The following ARID2 variants were observed in gnomAD, a reference collection of about 807,000 sequenced individuals.
The protein encoded by ARID2 is AT-rich interactive domain-containing protein 2.
A neutral mutation model predicts 184.6 loss-of-function variants in ARID2; 32 were observed. The ratio of observed to expected loss-of-function variants is 0.17; its 90% CI spans 0.13 to 0.23. The LOEUF is 0.23. Ranked by LOEUF, ARID2 falls within the 10% of genes least tolerant of loss-of-function variation. ARID2 has a pLI of 1.00. For missense variants in ARID2, 1,696 were observed against 2,197.6 expected, an observed-to-expected ratio of 0.77 and a Z score of 4.56; for synonymous variants, 836 against 772.6, an observed-to-expected ratio of 1.08 and a Z score of -1.36.
At chr12:45,867,449 A>G (rs1408617730) in intron 16 of ARID2, among the ~76,000 whole-genome samples, 2 of 150,030 alleles carry the variant, frequency 1.3e-5, no homozygotes, top group Non-Finnish European at 3.0e-5. Context: ...TAATTTTAAA[A>G]TTTTCTGTGC....
At chr12:45,763,425 G>T (rs757253658) in intron 3 of ARID2, among the ~76,000 whole-genome samples, 3 of 151,286 alleles carry the variant, frequency 2.0e-5, no homozygotes, top group African/African-American at 7.3e-5. Flanking sequence ...AGCCAAGACC[G>T]CTCCATTCCA....
At chr12:45,832,603 A>G (rs1943141921) in intron 6 of ARID2, among the ~76,000 whole-genome samples, 1 of 152,082 alleles carries the variant, frequency 6.6e-6, no homozygotes, top group South Asian at 2.1e-4. Flanking sequence ...CAGCCTCCCA[A>G]GTAGCTGGGA....
At chr12:45,742,601 A>C (rs1440316797) in intron 3 of ARID2, among the ~76,000 whole-genome samples, 1 of 152,196 alleles carries the variant, frequency 6.6e-6, no homozygotes, top group Non-Finnish European at 1.5e-5. Context: ...CACTAAGTTC[A>C]TAGAATCCCA....
intron 4 of ARID2, among the ~76,000 whole-genome samples, chr12:45,813,150 G>C (rs1459419283): frequency 6.6e-6 from 1 of 152,098 alleles, no homozygotes; most frequent in African/African-American, 2.4e-5. Context: ...AAGAGAATCT[G>C]AACAGTTACA....
At chr12:45,798,189 TTTA>T (rs886173988) in intron 3 of ARID2, among the ~76,000 whole-genome samples, 8 of 149,618 alleles carry the variant, frequency 5.3e-5, no homozygotes, top group Non-Finnish European at 1.0e-4. Context: ...AAAACAATAG[TTTA>T]TTATTGTTTG....
intron 3 of ARID2, among the ~76,000 whole-genome samples, chr12:45,800,838 T>C (rs1321828563): frequency 6.6e-6 from 1 of 152,138 alleles, no homozygotes; most frequent in Non-Finnish European, 1.5e-5. Context: ...TGGGACACTG[T>C]CTAAAGGATA....
intron 3 of ARID2, among the ~76,000 whole-genome samples, chr12:45,739,118 G>A (rs906629441): frequency 1.3e-5 from 2 of 151,836 alleles, no homozygotes; most frequent in Non-Finnish European, 2.9e-5. Context: ...ATAGGTGCCC[G>A]CCACCATGCC....
In ARID2 at chr12:45,852,098, G is replaced by A. The variant is rs543746350; in HGVS notation, c.3975G>A (p.Gly1325=). ...ETNQCSLISN[G]PSLELGENGA... ...ATCAGTGCTCACTAATCAGTAATGG[G>A]CCATCATTGGAATTAGGTGAGAATG... Residue 1325 remains glycine, a synonymous_variant, in exon 15 of 21, where the codon GGG becomes GGA. Coordinates refer to ENST00000334344, the MANE Select transcript of ARID2 (RefSeq NM_152641.4). 10 of 1,614,100 alleles carry A rather than the reference G, an allele frequency of 6.2e-6. No individual in the cohort carries two copies. The highest frequency in any genetic ancestry group is 1.1e-5 in the South Asian group (1 of 91,084).
At chr12:45,783,835 G>A (rs1054279802) in intron 3 of ARID2, among the ~76,000 whole-genome samples, 1 of 152,046 alleles carries the variant, frequency 6.6e-6, no homozygotes, top group Non-Finnish European at 1.5e-5. Context: ...CCAATCTCAG[G>A]TGTTCTGTTT....
intron 16 of ARID2, among the ~76,000 whole-genome samples, chr12:45,879,107 T>C (rs1391413084): frequency 6.6e-6 from 1 of 152,070 alleles, no homozygotes; most frequent in Non-Finnish European, 1.5e-5. Flanking sequence ...AATGGGGAGG[T>C]GAAATATTCT....
chr12:45,811,672 G>T (rs1177328169), intron 4 of ARID2, 121 bp downstream of exon 4: 1 of 1,003,934 alleles, frequency 1.0e-6, no homozygotes, highest in Non-Finnish European at 1.3e-6. Context: ...TTAAGGTAAT[G>T]CAGCTTTCAA....
chr12:45,778,016 G>A (rs1251231150), intron 3 of ARID2, among the ~76,000 whole-genome samples: 1 of 151,914 alleles, frequency 6.6e-6, no homozygotes, highest in Admixed American at 6.6e-5. Context: ...GACCAGCCTG[G>A]CCAACATGGT....
chr12:45,848,045 T>C (rs551864327), intron 12 of ARID2, among the ~76,000 whole-genome samples: 1 of 152,122 alleles, frequency 6.6e-6, no homozygotes, highest in South Asian at 2.1e-4. Context: ...TTTGGTCTTA[T>C]AAATCCCAGT....
At chr12:45,896,673 C>T (rs1052502658) in intron 20 of ARID2, among the ~76,000 whole-genome samples, 2 of 152,074 alleles carry the variant, frequency 1.3e-5, no homozygotes, top group African/African-American at 4.8e-5. Flanking sequence ...TTATCAGCAG[C>T]GTGAAAACGG....
At chr12:45,834,759 GCAGATATTTTCTTC>G (rs1943185534) in intron 6 of ARID2, among the ~76,000 whole-genome samples, 1 of 152,054 alleles carries the variant, frequency 6.6e-6, no homozygotes, top group East Asian at 1.9e-4. Flanking sequence ...AAATACGTTG[GCAGATATTTTCTTC>G]CATCATTTTG....
chr12:45,736,716 C>T (rs1367337966), intron 3 of ARID2, among the ~76,000 whole-genome samples: 1 of 152,164 alleles, frequency 6.6e-6, no homozygotes, highest in East Asian at 1.9e-4. Context: ...TCTAGAAACA[C>T]TAGTTTTCCA....
At chr12:45,771,910 A>G (rs953973265) in intron 3 of ARID2, among the ~76,000 whole-genome samples, 25 of 152,128 alleles carry the variant, frequency 1.6e-4, no homozygotes, top group Non-Finnish European at 2.9e-5. Context: ...AAAAAGTTGT[A>G]AAATTATGTA....
chr12:45,858,184 G>A (rs1188850679), intron 15 of ARID2, among the ~76,000 whole-genome samples: 6 of 151,920 alleles, frequency 3.9e-5, no homozygotes, highest in Admixed American at 3.9e-4. Context: ...CTTCAGTATG[G>A]TTTTAGGTGT....
rs555869509 is a variant in ARID2, at chr12:45,763,654, T to A, written c.284+32340T>A. Among the ~76,000 whole-genome samples the A allele has an allele frequency of 5.9e-3, 878 of 149,980 alleles. 7 individuals carry two copies. Among genetic ancestry groups the A allele is most frequent in the African/African-American group, 0.018 (747 of 40,606 alleles). On this transcript the variant is annotated intron_variant, in intron 3 of 20. Transcript: ENST00000334344. ...GCTGGGACTACAAAAAAAAAAAAAT[T>A]TTTTTTAAAATTTTTTTGTAGACAC... is the stretch of plus-strand genomic sequence containing the variant.
Sources: allele counts gnomAD v4.1 joint callset (sites outside exome capture counted in the v4.1 genomes callset), GRCh38; gene constraint gnomAD v4.1.1; transcripts MANE v1.5; gene names NCBI Gene and HGNC (gene_info 2026-07-23, HGNC 2026-07-21).